CGGBP1: variants seen among roughly 807,000 people sequenced by gnomAD.
CGGBP1 encodes the protein CGG triplet repeat binding protein 1.
A neutral mutation model predicts 11.4 loss-of-function variants in CGGBP1; 4 were observed. The observed-to-expected ratio is 0.35, with a 90% CI of 0.17 to 0.80. The LOEUF (loss-of-function observed/expected upper bound fraction) is 0.80. Ranked by LOEUF, CGGBP1 falls within the 30% of genes least tolerant of loss-of-function variation. The probability of loss-of-function intolerance (pLI) is 0.52; values close to 1 mark genes in which losing one functional copy is unlikely to be tolerated. For synonymous variants in CGGBP1, 76 were observed against 74.1 expected (o/e 1.03, Z -0.13); for missense variants, 135 against 202.1 (o/e 0.67, Z 2.01).
chr3:88,143,149 C>G (rs1000198310), intron 1 of CGGBP1: 2 of 152,160 alleles, frequency 1.3e-5, no homozygotes, highest in South Asian at 2.1e-4. Context: ...GAGGCTATTA[C>G]GGAAGTGGGG....
At chr3:88,099,332 C>G (rs1704259062) in intron 2 of CGGBP1, among the ~76,000 whole-genome samples, 2 of 152,040 alleles carry the variant, frequency 1.3e-5, no homozygotes, top group East Asian at 3.9e-4. Context: ...AAAGAGGTCA[C>G]AAACAAATGG....
chr3:88,060,215 T>A (rs1706787101), upstream of CGGBP1, among the ~76,000 whole-genome samples: 1 of 152,170 alleles, frequency 6.6e-6, no homozygotes, highest in African/African-American at 2.4e-5. Flanking sequence ...CCGGTTAACA[T>A]CACCAACCCC....
Position 88,140,969 on chromosome 3 carries a change from C to T in CGGBP1, c.-229+1G>A. The T allele has an allele frequency of 6.2e-7, 1 of 1,613,404 alleles. No homozygotes were observed. Among genetic ancestry groups the T allele is most frequent in the South Asian group, 1.1e-5 (1 of 91,062 alleles). ...GATGTGGCAAATGCCTGACCACCTA[C>T]TGTAATGCAGAAGCACTTGAGGCTC... On this transcript the variant is annotated splice_donor_variant, in intron 2 of 3. Coordinates refer to the CGGBP1 transcript ENST00000462901. LOFTEE classifies it low-confidence loss of function (5UTR_SPLICE).
chr3:88,142,406 A>G (rs991552750), intron 1 of CGGBP1: 1 of 152,340 alleles, frequency 6.6e-6, no homozygotes, highest in Non-Finnish European at 1.5e-5. Context: ...AATAAAATAG[A>G]AAAAAACCGA....
chr3:88,079,199 A>G (rs1032444620), intron 2 of CGGBP1, among the ~76,000 whole-genome samples: 1 of 152,116 alleles, frequency 6.6e-6, no homozygotes, highest in African/African-American at 2.4e-5. Flanking sequence ...TGATAGTCCA[A>G]CTAATTCTGA....
intron 2 of CGGBP1, among the ~76,000 whole-genome samples, chr3:88,111,810 T>C (rs1705105037): frequency 6.6e-6 from 1 of 151,986 alleles, no homozygotes; most frequent in Non-Finnish European, 1.5e-5. Context: ...CCTGTTTCTA[T>C]ACACCAAAGC....
chr3:88,100,361 T>C (rs1237599341), intron 2 of CGGBP1, among the ~76,000 whole-genome samples: 1 of 152,144 alleles, frequency 6.6e-6, no homozygotes, highest in African/African-American at 2.4e-5. Context: ...AGGAACACTT[T>C]TACACTGTTG....
chr3:88,110,957 T>C (rs942428445), intron 2 of CGGBP1, among the ~76,000 whole-genome samples: 2 of 152,062 alleles, frequency 1.3e-5, no homozygotes, highest in African/African-American at 4.8e-5. Context: ...ACCATGTTAT[T>C]TAGGTAACTG....
intron 2 of CGGBP1, among the ~76,000 whole-genome samples, chr3:88,136,441 A>T (rs1287913381): frequency 6.6e-6 from 1 of 152,204 alleles, no homozygotes. Flanking sequence ...TTGCCTCAGT[A>T]CTGTGAAGAG....
intron 2 of CGGBP1, among the ~76,000 whole-genome samples, chr3:88,080,822 G>A (rs1708039029): frequency 6.6e-6 from 1 of 152,180 alleles, no homozygotes; most frequent in Admixed American, 6.5e-5. Context: ...AGACAGATTT[G>A]TTTTTAAATT....
chr3:88,108,305 T>C (rs1704870438), intron 2 of CGGBP1, among the ~76,000 whole-genome samples: 1 of 152,170 alleles, frequency 6.6e-6, no homozygotes, highest in Non-Finnish European at 1.5e-5. Context: ...GCTATTTGAA[T>C]TTTTAGTCAA....
At chr3:88,068,824 C>T (rs1707343813) in intron 2 of CGGBP1, among the ~76,000 whole-genome samples, 1 of 152,014 alleles carries the variant, frequency 6.6e-6, no homozygotes. Flanking sequence ...AGTCCTGTAC[C>T]TAGTATGTGA....
chr3:88,098,690 T>G (rs911349749), intron 2 of CGGBP1, among the ~76,000 whole-genome samples: 16 of 152,254 alleles, frequency 1.1e-4, no homozygotes, highest in South Asian at 1.0e-3. Context: ...CGAAAATCAA[T>G]AAACGTAATC....
intron 2 of CGGBP1, among the ~76,000 whole-genome samples, chr3:88,086,883 C>T (rs950532367): frequency 9.9e-5 from 15 of 151,660 alleles, no homozygotes; most frequent in African/African-American, 3.1e-4. Flanking sequence ...CCCGGGTTCA[C>T]GCCATTCTCC....
intron 2 of CGGBP1, among the ~76,000 whole-genome samples, chr3:88,069,373 G>T (rs1707377864): frequency 1.3e-5 from 2 of 152,142 alleles, no homozygotes. Flanking sequence ...AGTGAGTCTA[G>T]ATGGCGCCGC....
At chr3:88,126,039 C>T in intron 2 of CGGBP1, 1 of 1,224,460 alleles carries the variant, frequency 8.2e-7, no homozygotes, top group Non-Finnish European at 1.1e-6. Flanking sequence ...TAATAGCTGC[C>T]TCACTGGCCA....
intron 2 of CGGBP1, among the ~76,000 whole-genome samples, chr3:88,089,025 A>C (rs1708495358): frequency 6.6e-6 from 1 of 151,770 alleles, no homozygotes; most frequent in African/African-American, 2.4e-5. Flanking sequence ...TACCCACCTC[A>C]GGCTCCCAAA....
intron 2 of CGGBP1, among the ~76,000 whole-genome samples, chr3:88,115,974 G>T (rs1341650066): frequency 1.3e-5 from 2 of 152,184 alleles, no homozygotes; most frequent in Non-Finnish European, 2.9e-5. Context: ...TTGATTGACT[G>T]AATGCGATGA....
chr3:88,081,637 C>A (rs1708082833), intron 2 of CGGBP1, among the ~76,000 whole-genome samples: 1 of 152,072 alleles, frequency 6.6e-6, no homozygotes, highest in Non-Finnish European at 1.5e-5. Flanking sequence ...CAAGTTGTGC[C>A]AGCTTTAGCC....
Sources: allele counts gnomAD v4.1 joint callset (sites outside exome capture counted in the v4.1 genomes callset), GRCh38; gene constraint gnomAD v4.1.1; transcripts MANE v1.5; gene names NCBI Gene and HGNC (gene_info 2026-07-23, HGNC 2026-07-21).